The following DMD variants were observed in gnomAD, a reference collection of about 807,000 sequenced individuals.
DMD encodes dystrophin, also known as mutant dystrophin.
A neutral mutation model predicts 330.1 loss-of-function variants in DMD; 63 were observed. The ratio of observed to expected loss-of-function variants is 0.19; its 90% CI spans 0.16 to 0.24. The LOEUF is 0.24. DMD is among the 10% of genes least tolerant of loss of function. DMD has a pLI of 1.00. For synonymous variants in DMD, 1,223 were observed against 959.8 expected, an observed-to-expected ratio of 1.27 and a Z score of -5.07; for missense variants, 3,344 against 2,684.1, an observed-to-expected ratio of 1.25 and a Z score of -5.43.
At chrX:31,892,305 T>C (rs1408836542) in intron 47 of DMD, among the ~76,000 whole-genome samples, 2 of 111,777 alleles carry the variant, frequency 1.8e-5, no homozygotes, top group African/African-American at 3.2e-5. Context: ...TAAAATACTA[T>C]TATACCCTGT....
At chrX:33,138,171 A>G (rs1279771059) in intron 1 of DMD, among the ~76,000 whole-genome samples, 2 of 112,206 alleles carry the variant, frequency 1.8e-5, no homozygotes, top group Non-Finnish European at 3.8e-5. Context: ...TCCAACCCAG[A>G]AAGTTTGGCT....
At position 33,269,211 on chromosome X, in the gene DMD, G is replaced by C. The variant is rs1386226108; in HGVS notation, c.7+70048C>G. Among the ~76,000 whole-genome samples, 6 of 111,562 alleles carry C rather than the reference G, an allele frequency of 5.4e-5. No homozygotes were observed. In the Admixed American group the frequency reaches 5.7e-4, roughly 11 times the overall value. On this transcript the variant is annotated intron_variant, in intron 1 of 17. Transcript: ENST00000288447. Reference sequence around the variant, plus strand: ...CTAAAAGCTCATCAATGGTTGACTGGATAAAGAAAATGTAGTACATACACA... The same window carrying C: ...CTAAAAGCTCATCAATGGTTGACTGCATAAAGAAAATGTAGTACATACACA...
chrX:33,096,531 G>A (rs1440879297), intron 1 of DMD, among the ~76,000 whole-genome samples: 1 of 102,009 alleles, frequency 9.8e-6, no homozygotes, highest in Non-Finnish European at 2.0e-5. Context: ...TTGAGACAGA[G>A]TTTTGCTCTT....
chrX:32,786,139 A>G (rs1254443422), intron 7 of DMD, among the ~76,000 whole-genome samples: 2 of 108,419 alleles, frequency 1.8e-5, no homozygotes, highest in African/African-American at 3.4e-5. Context: ...ATTATTAATA[A>G]AAACAGTTTT....
At chrX:32,063,419 C>T (rs1477388767) in intron 44 of DMD, among the ~76,000 whole-genome samples, 1 of 110,915 alleles carries the variant, frequency 9.0e-6, no homozygotes, top group African/African-American at 3.3e-5. Flanking sequence ...GTTCTCGTTG[C>T]TAAGACTTTA....
chrX:32,479,261 T>A (rs1264773703), intron 21 of DMD, among the ~76,000 whole-genome samples: 1 of 111,420 alleles, frequency 9.0e-6, no homozygotes, highest in Non-Finnish European at 1.9e-5. Flanking sequence ...ATTAATCACC[T>A]CACCAACTTA....
intron 43 of DMD, among the ~76,000 whole-genome samples, chrX:32,247,351 T>C (rs1403576308): frequency 1.8e-5 from 2 of 112,229 alleles, no homozygotes; most frequent in Non-Finnish European, 3.8e-5. Context: ...AATTTCTCTT[T>C]AAATAGCACA....
intron 60 of DMD, among the ~76,000 whole-genome samples, chrX:31,391,190 ACCCAGG>A (rs1000216716): frequency 8.1e-5 from 9 of 110,498 alleles, no homozygotes; most frequent in African/African-American, 3.0e-4. Flanking sequence ...TTGCCCTATC[ACCCAGG>A]CTGGAGCACA....
rs369623931 is a variant in DMD at position 32,345,985 on chromosome X, C to T, written c.5544G>A (p.Lys1848=). 8.3e-7 allele frequency: 1 copy of T among 1,209,070 alleles called. No individual in the cohort carries two copies. The change falls in exon 39 of 79, where the codon AAG becomes AAA. Residue 1848 remains lysine (K), a synonymous_variant. Coordinates refer to ENST00000357033, the MANE Select transcript of DMD (RefSeq NM_004006.3). ...ITDERKREEI[K]IKQQLLQTKH... ...TTGTCTGTAACAGCTGCTGTTTTAT[C>T]TTTATTTCCTCTCGCTTTCTCTCAT...
At chrX:31,919,575 T>C (rs1033253914) in intron 47 of DMD, among the ~76,000 whole-genome samples, 1 of 112,194 alleles carries the variant, frequency 8.9e-6, no homozygotes, top group African/African-American at 3.2e-5. Context: ...ATGCCAAAGA[T>C]GGACTATACT....
intron 3 of DMD, among the ~76,000 whole-genome samples, chrX:32,848,243 C>A (rs2080849997): frequency 8.9e-6 from 1 of 111,803 alleles, no homozygotes; most frequent in South Asian, 3.7e-4. Context: ...GACACTGGGA[C>A]TTCTGTATTC....
At chrX:32,814,903 G>A (rs1247898094) in intron 6 of DMD, among the ~76,000 whole-genome samples, 2 of 111,570 alleles carry the variant, frequency 1.8e-5, no homozygotes, top group Non-Finnish European at 3.8e-5. Flanking sequence ...CTGCAAATGT[G>A]TACATGAACA....
intron 2 of DMD, among the ~76,000 whole-genome samples, chrX:32,863,575 A>AC (rs746034767): frequency 1.6e-4 from 11 of 69,995 alleles, no homozygotes; most frequent in African/African-American, 6.4e-4. Context: ...CACACACACA[A>AC]ATACACACAT....
At chrX:33,149,282 A>T (rs2148619519) in intron 1 of DMD, among the ~76,000 whole-genome samples, 1 of 111,616 alleles carries the variant, frequency 9.0e-6, no homozygotes, top group African/African-American at 3.3e-5. Flanking sequence ...CTCCTCATAA[A>T]GAGTATGCGA....
intron 44 of DMD, among the ~76,000 whole-genome samples, chrX:32,191,793 A>T (rs1007645265): frequency 1.8e-5 from 2 of 112,316 alleles, no homozygotes; most frequent in African/African-American, 6.5e-5. Flanking sequence ...AATACTTATT[A>T]CATTGTACTG....
At chrX:32,461,213 A>G (rs2098382264) in intron 25 of DMD, among the ~76,000 whole-genome samples, 1 of 111,809 alleles carries the variant, frequency 8.9e-6, no homozygotes, top group African/African-American at 3.2e-5. Context: ...GTCTGTAGAT[A>G]TTTCTGTAAT....
intron 4 of DMD, among the ~76,000 whole-genome samples, chrX:32,840,893 T>A (rs1421517394): frequency 1.8e-5 from 2 of 111,785 alleles, no homozygotes; most frequent in Non-Finnish European, 1.9e-5. Flanking sequence ...AACTGGGAAA[T>A]GTATTTCTGT....
intron 44 of DMD, among the ~76,000 whole-genome samples, chrX:32,053,836 T>G (rs748118115): frequency 9.0e-6 from 1 of 111,452 alleles, no homozygotes; most frequent in African/African-American, 3.3e-5. Flanking sequence ...AATAGTTCTT[T>G]AAATCTTGTC....
At chrX:31,541,228 C>T (rs188525616) in intron 55 of DMD, among the ~76,000 whole-genome samples, 31 of 111,634 alleles carry the variant, frequency 2.8e-4, no homozygotes, top group African/African-American at 9.4e-4. Flanking sequence ...TAAAAATTGA[C>T]TCTTGGTTCA....
Sources: gnomAD v4.1 joint callset for allele counts (sites outside exome capture counted in the v4.1 genomes callset) on GRCh38, gnomAD v4.1.1 for gene constraint, MANE v1.5 for transcripts, NCBI Gene and HGNC (gene_info 2026-07-23, HGNC 2026-07-21) for gene names.